Variants in TRAF2 observed in about 807,000 individuals in gnomAD.
TRAF2 encodes the protein TNF receptor associated factor 2, also known as TNF receptor-associated factor 2.
TRAF2 carries 6 observed loss-of-function variants against 55.6 expected under a neutral mutation model. That is an observed-to-expected ratio of 0.11 (90% confidence interval 0.06 to 0.21). The LOEUF (loss-of-function observed/expected upper bound fraction) is 0.21. Ranked by LOEUF, TRAF2 falls within the 10% of genes least tolerant of loss-of-function variation. The probability of loss-of-function intolerance (pLI) is 1.00; values close to 1 mark genes in which losing one functional copy is unlikely to be tolerated. For missense variants in TRAF2, 561 were observed against 684.5 expected (o/e 0.82, Z 2.01); for synonymous variants, 329 against 276.3 (o/e 1.19, Z -1.89).
Position 136,910,008 on chromosome 9 carries a change from ACCT to A in TRAF2, c.603+18_603+20del. 1.9e-6 allele frequency: 3 copies of A among 1,596,416 alleles called. No individual in the cohort carries two copies. Among genetic ancestry groups the A allele is most frequent in the Non-Finnish European group, 2.6e-6 (3 of 1,173,560 alleles). ...CCCCGGGAGAAGGTGAGTGTCCTTC[ACCT>A]CCTTGGAGGACCGCAGGGCGGGGCC... On this transcript the variant is annotated intron_variant, in intron 6 of 10. Transcript: ENST00000247668.
At chr9:136,925,258 CAG>C (rs1269947366) in intron 10 of TRAF2, among the ~76,000 whole-genome samples, 4 of 152,168 alleles carry the variant, frequency 2.6e-5, no homozygotes, top group African/African-American at 9.7e-5. Context: ...ACAGTCCTGA[CAG>C]AGGCAGACTC....
At chr9:136,916,360 T>C (rs181343843) in intron 6 of TRAF2, among the ~76,000 whole-genome samples, 181 bp from the exon 7 acceptor site, 148 of 152,208 alleles carry the variant, frequency 9.7e-4, no homozygotes, top group Non-Finnish European at 2.0e-3. Context: ...TGCACGTGTG[T>C]GTGCACAGGT....
intron 2 of TRAF2, 117 bp downstream of exon 2, chr9:136,899,045 T>G (rs1588424641): frequency 1.3e-5 from 13 of 977,812 alleles, no homozygotes; most frequent in African/African-American, 8.2e-5. Context: ...GTGCTCCAGT[T>G]ATCGATACTC....
chr9:136,916,337 C>T (rs1422694511), intron 6 of TRAF2, among the ~76,000 whole-genome samples: 1 of 152,082 alleles, frequency 6.6e-6, no homozygotes, highest in East Asian at 1.9e-4. Flanking sequence ...GTTACTGGCA[C>T]AGTGTGCATG....
chr9:136,919,185 C>T (rs1254852549), intron 7 of TRAF2, among the ~76,000 whole-genome samples: 1 of 151,502 alleles, frequency 6.6e-6, no homozygotes. Flanking sequence ...CTCAGTCTCC[C>T]GAGTAGCTGG....
chr9:136,886,474 G>T, upstream of TRAF2: 1 of 1,004,554 alleles, frequency 1.0e-6, no homozygotes, highest in Non-Finnish European at 1.2e-6. Flanking sequence ...CGGAGCGGCG[G>T]CGGCGGCGGC....
intron 4 of TRAF2, among the ~76,000 whole-genome samples, chr9:136,905,954 A>C (rs1331474573): frequency 6.6e-6 from 1 of 152,132 alleles, no homozygotes; most frequent in Non-Finnish European, 1.5e-5. Flanking sequence ...AATACAAAAA[A>C]ATTAGCCGGG....
At chr9:136,912,470 T>G (rs1850138618) in intron 6 of TRAF2, among the ~76,000 whole-genome samples, 2 of 152,136 alleles carry the variant, frequency 1.3e-5, no homozygotes, top group Non-Finnish European at 2.9e-5. Context: ...TCTCTTATCT[T>G]TTTTTAGTGT....
chr9:136,882,563 C>T, upstream of TRAF2: 1 of 584,398 alleles, frequency 1.7e-6, no homozygotes, highest in Non-Finnish European at 2.2e-6. Context: ...CATCCTCAGG[C>T]AGTGAGAGGG....
rs71492143 is a variant in TRAF2, at chr9:136,911,846, C to CTTTT, written c.603+1870_603+1873dup. 3.4e-3 allele frequency among the ~76,000 whole-genome samples: 244 copies of CTTTT among 71,416 alleles called. 58 individuals carry two copies. The highest frequency in any genetic ancestry group is 0.014 in the African/African-American group (218 of 15,684). 46.9% of individuals were successfully genotyped at this position (71,416 alleles called of 152,430 possible). ...GCGTGCTTGGGATTTTCTCTTATCT[C>CTTTT]TTTTTTTTTTTTTTTTTTTTTGAGA... On this transcript the variant is annotated intron_variant, in intron 6 of 10. Coordinates refer to ENST00000247668, the MANE Select transcript of TRAF2 (RefSeq NM_021138.4).
intron 1 of TRAF2, among the ~76,000 whole-genome samples, chr9:136,896,847 A>G (rs992754103): frequency 1.3e-5 from 2 of 152,100 alleles, no homozygotes; most frequent in South Asian, 2.1e-4. Context: ...TGATCTCATG[A>G]TCTGCCCACC....
intron 9 of TRAF2, among the ~76,000 whole-genome samples, chr9:136,923,649 C>T (rs1439342579): frequency 7.0e-6 from 1 of 143,482 alleles, no homozygotes; most frequent in Admixed American, 6.9e-5. Context: ...TTTCTAAGTA[C>T]TACCTTTTTT....
chr9:136,906,861 A>G (rs1437565693), intron 4 of TRAF2, among the ~76,000 whole-genome samples: 1 of 151,850 alleles, frequency 6.6e-6, no homozygotes, highest in Non-Finnish European at 1.5e-5. Flanking sequence ...TTACACTAGC[A>G]CCTTTGTAGT....
intron 10 of TRAF2, among the ~76,000 whole-genome samples, chr9:136,924,884 A>ACG (rs1491250948): frequency 2.0e-5 from 3 of 151,682 alleles, no homozygotes; most frequent in Admixed American, 6.6e-5. Context: ...GACTACAGGC[A>ACG]TGCACCACCA....
chr9:136,926,376 T>A lies in TRAF2; in HGVS notation c.*475T>A, dbSNP rs567945143. The A allele has an allele frequency of 3.1e-6, 1 of 327,202 alleles. No homozygotes were observed. The highest frequency in any genetic ancestry group is 8.0e-5 in the East Asian group (1 of 12,570). 20.3% of individuals were successfully genotyped at this position (327,202 alleles called of 1,614,324 possible). A position where few individuals can be genotyped will look rare whatever the true frequency, so the allele number is the denominator to read the frequency against. Reference sequence around the variant, plus strand: ...GAGCAAGGAAGGCTGAGCAGCTTGGTTCTCCCCTCTGGCCCCTGGAGAGAA... The same window carrying A: ...GAGCAAGGAAGGCTGAGCAGCTTGGATCTCCCCTCTGGCCCCTGGAGAGAA... On this transcript the variant is annotated 3_prime_UTR_variant, in exon 11 of 11. Coordinates refer to ENST00000247668, the MANE Select transcript of TRAF2 (RefSeq NM_021138.4).
At chr9:136,893,514 GTT>G (rs549243115) in intron 1 of TRAF2, among the ~76,000 whole-genome samples, 23 of 152,352 alleles carry the variant, frequency 1.5e-4, no homozygotes, top group Non-Finnish European at 2.6e-4. Flanking sequence ...TGCGGCGTCA[GTT>G]TTGGCAGTCC....
intron 9 of TRAF2, 120 bp from the exon 10 acceptor site, chr9:136,923,732 C>T: frequency 9.6e-7 from 1 of 1,042,564 alleles, no homozygotes; most frequent in Non-Finnish European, 1.3e-6. Flanking sequence ...CTTTGCACCC[C>T]AGAACCTGAA....
In TRAF2 at chr9:136,900,416, C is replaced by A. The variant is rs370303076; in HGVS notation, c.268-6C>A. 3.1e-6 allele frequency: 5 copies of A among 1,587,596 alleles called. No individual in the cohort carries two copies. Among genetic ancestry groups the A allele is most frequent in the Non-Finnish European group, 2.6e-6 (3 of 1,165,500 alleles). Reference sequence around the variant, plus strand: ...GGTTTAACCCGAGGGATATTCCTCTCCCCAGGCCTTCCCAGATAATGCTGC... The same window carrying A: ...GGTTTAACCCGAGGGATATTCCTCTACCCAGGCCTTCCCAGATAATGCTGC... On this transcript the variant is annotated splice_polypyrimidine_tract_variant and splice_region_variant and intron_variant, in intron 3 of 10. Coordinates refer to ENST00000247668, the MANE Select transcript of TRAF2 (RefSeq NM_021138.4).
chr9:136,924,820 A>G (rs1030122139), intron 10 of TRAF2, among the ~76,000 whole-genome samples: 1 of 151,314 alleles, frequency 6.6e-6, no homozygotes, highest in Non-Finnish European at 1.5e-5. Context: ...GCTCACTGCA[A>G]CCTCCCCTCC....
Sources: allele counts gnomAD v4.1 joint callset (sites outside exome capture counted in the v4.1 genomes callset), GRCh38; gene constraint gnomAD v4.1.1; transcripts MANE v1.5; gene names NCBI Gene and HGNC (gene_info 2026-07-23, HGNC 2026-07-21).